The following PHF20 variants were observed in gnomAD, a reference collection of about 807,000 sequenced individuals.
The protein encoded by PHF20 is glioma-expressed antigen 2.
A neutral mutation model predicts 113.5 loss-of-function variants in PHF20; 23 were observed. That is an observed-to-expected ratio of 0.20 (90% CI 0.15 to 0.29). PHF20 has a LOEUF of 0.29. Ranked by LOEUF, PHF20 falls within the 10% of genes least tolerant of loss-of-function variation. PHF20 has a pLI of 1.00. For synonymous variants in PHF20, 434 were observed against 457.3 expected (o/e 0.95, Z 0.65); for missense variants, 943 against 1,219.6 (o/e 0.77, Z 3.38).
intron 5 of PHF20, among the ~76,000 whole-genome samples, chr20:35,861,077 G>A (rs2054210683): frequency 6.6e-6 from 1 of 152,010 alleles, no homozygotes; most frequent in African/African-American, 2.4e-5. Flanking sequence ...TTCCAAGAGG[G>A]TACAGTGGTT....
chr20:35,831,127 CCCTCCCTCCCTCTCTT>C (rs1568623838), intron 2 of PHF20, among the ~76,000 whole-genome samples: 1 of 151,150 alleles, frequency 6.6e-6, no homozygotes, highest in Non-Finnish European at 1.5e-5. Flanking sequence ...TTTCTTCCTT[CCCTCCCTCCCTCTCTT>C]CCTCCCTCCC....
chr20:35,846,821 T>G (rs1386468466), intron 3 of PHF20, among the ~76,000 whole-genome samples: 1 of 152,158 alleles, frequency 6.6e-6, no homozygotes, highest in African/African-American at 2.4e-5. Flanking sequence ...TACCTGAGAC[T>G]AGGTAATTTA....
At chr20:35,788,332 G>A (rs780102819) in intron 1 of PHF20, among the ~76,000 whole-genome samples, 8 of 151,784 alleles carry the variant, frequency 5.3e-5, no homozygotes, top group South Asian at 2.1e-4. Flanking sequence ...TCCTAACCTC[G>A]TGATCCACCC....
chr20:35,917,963 G>A (rs2055438892), intron 13 of PHF20, among the ~76,000 whole-genome samples: 1 of 152,160 alleles, frequency 6.6e-6, no homozygotes, highest in Admixed American at 6.5e-5. Flanking sequence ...GTGAGGAGTT[G>A]AACAGCAGGG....
intron 1 of PHF20, among the ~76,000 whole-genome samples, chr20:35,796,214 T>TAGTTTATATATTTATATATATAA (rs2041664259): frequency 6.6e-6 from 1 of 152,188 alleles, no homozygotes; most frequent in African/African-American, 2.4e-5. Context: ...CTACTCTCTG[T>TAGTTTATATATTTATATATATAA]AAAGTTAGTT....
At chr20:35,846,453 T>C (rs190973329) in intron 3 of PHF20, among the ~76,000 whole-genome samples, 1 of 152,326 alleles carries the variant, frequency 6.6e-6, no homozygotes, top group Non-Finnish European at 1.5e-5. Context: ...TGTGAGCCAC[T>C]GCACCTGGCC....
intron 2 of PHF20, among the ~76,000 whole-genome samples, chr20:35,826,408 T>C (rs1372250228): frequency 6.6e-6 from 1 of 152,146 alleles, no homozygotes; most frequent in African/African-American, 2.4e-5. Context: ...CATTTAGCTG[T>C]CTGGGTACAG....
rs191991335 is a variant in PHF20 at position 35,869,528 on chromosome 20, G to A, written c.899G>A (p.Arg300His). ...ISKGCEVPLK[R>H]PRLDKNSSQE... is the part of the protein sequence containing the mutation. Reference sequence around the variant, plus strand: ...AAAGGATGTGAAGTCCCATTAAAACGTCCTCGGCTTGACAAAAATTCATGT... The same window carrying A: ...AAAGGATGTGAAGTCCCATTAAAACATCCTCGGCTTGACAAAAATTCATGT... Residue 300 changes from arginine to histidine, a missense_variant, in exon 7 of 18, where the codon CGT (arginine) becomes CAT (histidine). Physicochemically the swap from Arg to His is conservative, Grantham distance 29 (BLOSUM62 0). This residue lies in a region of PHF20 where 592 missense variants were observed against 787.2 expected (regional missense o/e 0.75). Coordinates refer to ENST00000374012, the MANE Select transcript of PHF20 (RefSeq NM_016436.5). The A allele has an allele frequency of 1.3e-5, 21 of 1,602,962 alleles. No individual in the cohort carries two copies. The Admixed American group carries it at 2.2e-4, about 17-fold the overall frequency.
At chr20:35,773,877 G>T (rs1450632893) in intron 1 of PHF20, among the ~76,000 whole-genome samples, 1 of 152,128 alleles carries the variant, frequency 6.6e-6, no homozygotes, top group Non-Finnish European at 1.5e-5. Context: ...ATCTCCTTGT[G>T]CTGGAAAACA....
At chr20:35,853,763 T>C (rs929761796) in intron 4 of PHF20, among the ~76,000 whole-genome samples, 6 of 151,466 alleles carry the variant, frequency 4.0e-5, no homozygotes, top group Non-Finnish European at 8.8e-5. Context: ...CTTTCTTTTT[T>C]TTTTTTTTTG....
intron 17 of PHF20, among the ~76,000 whole-genome samples, chr20:35,946,259 A>G (rs1034157487): frequency 6.6e-6 from 1 of 151,958 alleles, no homozygotes; most frequent in African/African-American, 2.4e-5. Flanking sequence ...ACCTGAGGTC[A>G]GGAGTTTGAG....
At position 35,926,889 on chromosome 20, in the gene PHF20, T is replaced by C. The variant is rs542376695; in HGVS notation, c.2005-891T>C. Among the ~76,000 whole-genome samples, 8 of 152,262 alleles carry C rather than the reference T, an allele frequency of 5.3e-5. No individual in the cohort carries two copies. The South Asian group carries it at 8.3e-4, about 16-fold the overall frequency. ...CACCTTCTAGGGCTAATTTGTTTGG[T>C]TGGGTAGTTAAAGGTTTAGGGTCCT... On this transcript the variant is annotated intron_variant, in intron 13 of 17. Transcript: ENST00000374012.
At chr20:35,798,844 C>T (rs2041721025) in intron 1 of PHF20, among the ~76,000 whole-genome samples, 1 of 151,968 alleles carries the variant, frequency 6.6e-6, no homozygotes, top group Non-Finnish European at 1.5e-5. Flanking sequence ...TCACTGCAGT[C>T]TCAACCTCCT....
intron 13 of PHF20, 42 bp downstream of exon 13, chr20:35,917,704 C>T (rs1447716931): frequency 6.4e-7 from 1 of 1,556,386 alleles, no homozygotes; most frequent in African/African-American, 1.4e-5. Context: ...GAAGCACAAA[C>T]TGGTCCTTGG....
At chr20:35,853,245 A>G (rs1466724948) in intron 4 of PHF20, 1 of 152,080 alleles carries the variant, frequency 6.6e-6, no homozygotes, top group Non-Finnish European at 1.5e-5. Context: ...AAGAAAGAAA[A>G]AAAAAGAAAA....
intron 12 of PHF20, among the ~76,000 whole-genome samples, chr20:35,914,918 C>G (rs2055373670): frequency 6.9e-6 from 1 of 144,236 alleles, no homozygotes; most frequent in Non-Finnish European, 1.5e-5. Context: ...GAGCCAAGAT[C>G]ATGCCACTTC....
intron 2 of PHF20, among the ~76,000 whole-genome samples, chr20:35,829,996 G>A (rs73618534): frequency 3.3e-5 from 5 of 151,596 alleles, no homozygotes; most frequent in Non-Finnish European, 5.9e-5. Context: ...TCACTGCAAC[G>A]TCTGCCTCCT....
In PHF20 at chr20:35,870,962, A is replaced by G; in HGVS notation, c.930A>G (p.Glu310=). The G allele has an allele frequency of 1.3e-6, 2 of 1,592,822 alleles. No individual in the cohort carries two copies. The highest frequency in any genetic ancestry group is 1.7e-6 in the Non-Finnish European group (2 of 1,174,962). Residue 310 remains glutamate (E), a synonymous_variant, in exon 8 of 18, where the codon GAA becomes GAG. Transcript: ENST00000374012. ...RPRLDKNSSQ[E]KSKNYSENTD... is the part of the protein sequence containing the mutation. The stretch of plus-strand genomic sequence containing the variant: ...CTCTTAATGGTTTAATAGCCCAGGA[A>G]AAGTCAAAAAACTACTCGGAAAACA...
At chr20:35,813,206 G>A (rs1339331506) in intron 2 of PHF20, among the ~76,000 whole-genome samples, 2 of 151,660 alleles carry the variant, frequency 1.3e-5, no homozygotes, top group East Asian at 2.0e-4. Context: ...TCCTGGCCTC[G>A]TGATCTGCCC....
Sources: allele counts gnomAD v4.1 joint callset (sites outside exome capture counted in the v4.1 genomes callset), GRCh38; gene constraint gnomAD v4.1.1; regional missense constraint gnomAD v4.1.1; transcripts MANE v1.5; gene names NCBI Gene and HGNC (gene_info 2026-07-23, HGNC 2026-07-21).